Variants in ZFHX3 observed in about 807,000 individuals in gnomAD.
ZFHX3 encodes the protein zinc finger homeobox 3.
Under a neutral mutation model 279.1 loss-of-function variants are expected in ZFHX3, and 42 were observed. The observed-to-expected ratio is 0.15, with a 90% CI of 0.12 to 0.19. The LOEUF (loss-of-function observed/expected upper bound fraction) is 0.19. ZFHX3 is among the 10% of genes least tolerant of loss of function. The pLI is 1.00. For missense variants in ZFHX3, 4,981 were observed against 4,754.0 expected, an observed-to-expected ratio of 1.05 and a Z score of -1.40; for synonymous variants, 2,293 against 1,957.8, an observed-to-expected ratio of 1.17 and a Z score of -4.52.
At chr16:73,051,195 T>A (rs550969129), upstream of ZFHX3, among the ~76,000 whole-genome samples, 1 of 152,338 alleles carries the variant, frequency 6.6e-6, no homozygotes, top group South Asian at 2.1e-4. Context: ...AAATTATACG[T>A]ATACATTGAT....
Position 72,957,848 on chromosome 16 carries a change from G to C in ZFHX3, c.2298C>G (p.Phe766Leu). Residue 766 changes from phenylalanine to leucine, a missense_variant, in exon 2 of 10, where the codon TTC becomes TTG. Transcript: ENST00000268489. ...CCGCCGCCGCCCCGGCAGTGTGGCT[G>C]AAGACCTGCTCCCCCCCTCCATTCT... ...NLQNGGGEQV[F>L]SHTAGAAAAA... 1 of 1,613,754 alleles carries C rather than the reference G, an allele frequency of 6.2e-7. No individual in the cohort carries two copies. The highest frequency in any genetic ancestry group is 8.5e-7 in the Non-Finnish European group (1 of 1,179,944).
chr16:73,200,598 G>C (rs1329391430), intron 5 of ZFHX3, among the ~76,000 whole-genome samples: 1 of 152,164 alleles, frequency 6.6e-6, no homozygotes, highest in South Asian at 2.1e-4. Flanking sequence ...ATGTCAGACT[G>C]TTTACACAGT....
intron 4 of ZFHX3, among the ~76,000 whole-genome samples, chr16:72,859,667 C>T (rs988479287): frequency 6.6e-6 from 1 of 152,162 alleles, no homozygotes; most frequent in African/African-American, 2.4e-5. Flanking sequence ...CACTGGAGTA[C>T]AAGGAAAATT....
chr16:73,777,373 C>T (rs138523628), intron 1 of ZFHX3, among the ~76,000 whole-genome samples: 7 of 151,842 alleles, frequency 4.6e-5, no homozygotes, highest in South Asian at 2.1e-4. Flanking sequence ...TGTGGTGGCG[C>T]GTGCCTGTAG....
In ZFHX3 at chr16:73,248,695, G is replaced by T. The variant is rs2013386689; in HGVS notation, c.-1104+8352C>A. Among the ~76,000 whole-genome samples the T allele has an allele frequency of 3.3e-5, 5 of 151,864 alleles. 1 individual carries two copies. The South Asian group carries it at 1.0e-3, about 32-fold the overall frequency. On this transcript the variant is annotated intron_variant, in intron 5 of 17. Transcript: ENST00000641206. ...TGCACGTGTGTGTTGTGGCTCAATG[G>T]AGGCTATACTGGATGTCTCCCCTAT... is the stretch of plus-strand genomic sequence containing the variant.
Position 72,958,775 on chromosome 16 carries a change from C to T in ZFHX3, c.1371G>A (p.Glu457=), listed in dbSNP as rs1961399419. Residue 457 remains glutamate, a synonymous_variant, in exon 2 of 10, where the codon GAG becomes GAA. Coordinates refer to ENST00000268489, the MANE Select transcript of ZFHX3 (RefSeq NM_006885.4). ...CCTCCTCCGCCTCCTCTTCGGCTGG[C>T]TCTACCTTCTCAGAGAAGCAATCCC... is the stretch of plus-strand genomic sequence containing the variant. ...GDGDCFSEKV[E]PAEEEAEEEE... is the part of the protein sequence containing the mutation. The T allele has an allele frequency of 6.2e-7, 1 of 1,614,124 alleles. No individual in the cohort carries two copies. Among genetic ancestry groups the T allele is most frequent in the Non-Finnish European group, 8.5e-7 (1 of 1,180,042 alleles).
intron 2 of ZFHX3, among the ~76,000 whole-genome samples, chr16:73,507,258 T>C (rs548675803): frequency 6.8e-4 from 103 of 152,282 alleles, no homozygotes; most frequent in African/African-American, 2.4e-3. Flanking sequence ...CGAGGTAATA[T>C]AGAACATCCG....
At chr16:72,941,363 G>T (rs1001224252) in intron 3 of ZFHX3, among the ~76,000 whole-genome samples, 1 of 152,158 alleles carries the variant, frequency 6.6e-6, no homozygotes. Context: ...GGAAGAAAAC[G>T]GGTTTCACAA....
At chr16:73,343,185 G>A (rs1195682429) in intron 3 of ZFHX3, among the ~76,000 whole-genome samples, 7 of 151,100 alleles carry the variant, frequency 4.6e-5, no homozygotes, top group African/African-American at 1.7e-4. Flanking sequence ...AAATGTTGTA[G>A]GACTGAAATG....
upstream of ZFHX3, among the ~76,000 whole-genome samples, chr16:73,064,239 C>T: frequency 6.6e-6 from 1 of 152,048 alleles, no homozygotes; most frequent in East Asian, 1.9e-4. Flanking sequence ...AGTACACGGA[C>T]AGGGAGTGTG....
chr16:73,132,840 A>G (rs991796285), intron 6 of ZFHX3, among the ~76,000 whole-genome samples: 2 of 152,206 alleles, frequency 1.3e-5, no homozygotes, highest in Non-Finnish European at 2.9e-5. Flanking sequence ...AATCAGGAGG[A>G]GAGGGAAGAC....
At chr16:73,259,869 C>T (rs1241619549) in intron 4 of ZFHX3, among the ~76,000 whole-genome samples, 1 of 152,140 alleles carries the variant, frequency 6.6e-6, no homozygotes, top group Non-Finnish European at 1.5e-5. Flanking sequence ...GCTAAATAAC[C>T]ATGGAAAAGT....
At chr16:73,552,086 T>C (rs1352652182) in intron 2 of ZFHX3, among the ~76,000 whole-genome samples, 2 of 152,282 alleles carry the variant, frequency 1.3e-5, no homozygotes, top group Non-Finnish European at 2.9e-5. Context: ...CAGTCATGTA[T>C]CTTTTACTCA....
At chr16:73,329,067 C>T (rs1243578382) in intron 3 of ZFHX3, among the ~76,000 whole-genome samples, 1 of 152,240 alleles carries the variant, frequency 6.6e-6, no homozygotes, top group African/African-American at 2.4e-5. Flanking sequence ...TCCTTGCTGC[C>T]TTCCTTCTCA....
chr16:73,436,179 G>T (rs181350578), intron 3 of ZFHX3, among the ~76,000 whole-genome samples: 1 of 152,262 alleles, frequency 6.6e-6, no homozygotes, highest in East Asian at 1.9e-4. Flanking sequence ...AAAATAGCTG[G>T]CCATGGTGGC....
intron 3 of ZFHX3, among the ~76,000 whole-genome samples, chr16:72,897,179 T>C (rs1597357287): frequency 6.6e-6 from 1 of 152,312 alleles, no homozygotes; most frequent in South Asian, 2.1e-4. Context: ...GGCCCCATGA[T>C]GGAAGAAGCT....
chr16:72,930,438 G>A (rs1208691013), intron 3 of ZFHX3, among the ~76,000 whole-genome samples: 1 of 151,898 alleles, frequency 6.6e-6, no homozygotes, highest in African/African-American at 2.4e-5. Flanking sequence ...GAGGACGGGC[G>A]ATAAGGAGAT....
intron 1 of ZFHX3, among the ~76,000 whole-genome samples, chr16:73,832,260 G>A (rs1439419182): frequency 6.6e-6 from 1 of 151,724 alleles, no homozygotes; most frequent in African/African-American, 2.4e-5. Context: ...CCAGGTGGCA[G>A]CAATCCACCA....
intron 4 of ZFHX3, among the ~76,000 whole-genome samples, chr16:73,265,893 G>A (rs1048816010): frequency 6.6e-6 from 1 of 152,296 alleles, no homozygotes; most frequent in East Asian, 1.9e-4. Flanking sequence ...GCATTCCCAA[G>A]GAGAATAAGG....
Sources: gnomAD v4.1 joint callset for allele counts (sites outside exome capture counted in the v4.1 genomes callset) on GRCh38, gnomAD v4.1.1 for gene constraint, MANE v1.5 for transcripts, NCBI Gene and HGNC (gene_info 2026-07-23, HGNC 2026-07-21) for gene names.